The following PRKCA variants were observed in gnomAD, a reference collection of about 807,000 sequenced individuals.
The protein encoded by PRKCA is protein kinase C alpha.
In PRKCA, 27 loss-of-function variants were observed where a neutral mutation model predicts 87.0. The observed-to-expected ratio is 0.31, with a 90% CI of 0.23 to 0.43. PRKCA has a LOEUF of 0.43. Ranked by LOEUF, PRKCA falls within the 20% of genes least tolerant of loss-of-function variation. The probability of loss-of-function intolerance (pLI) is 1.00; values close to 1 mark genes in which losing one functional copy is unlikely to be tolerated. For missense variants in PRKCA, 518 were observed against 852.3 expected (o/e 0.61, Z 4.88); for synonymous variants, 329 against 311.1 (o/e 1.06, Z -0.61).
chr17:66,410,709 G>A (rs1911739501), intron 2 of PRKCA, among the ~76,000 whole-genome samples: 1 of 152,064 alleles, frequency 6.6e-6, no homozygotes, highest in South Asian at 2.1e-4. Context: ...CCGAGTAGCT[G>A]GGACTACAGG....
intron 3 of PRKCA, among the ~76,000 whole-genome samples, chr17:66,588,990 A>G (rs1490929182): frequency 6.6e-6 from 1 of 152,078 alleles, no homozygotes; most frequent in African/African-American, 2.4e-5. Flanking sequence ...TTTGTTCTTG[A>G]TGGTTCTCCA....
intron 13 of PRKCA, among the ~76,000 whole-genome samples, chr17:66,755,453 C>T (rs1974526329): frequency 6.6e-6 from 1 of 152,172 alleles, no homozygotes; most frequent in South Asian, 2.1e-4. Context: ...CTTCCTGGCC[C>T]AAAGCCCAGG....
chr17:66,628,591 C>A (rs1290658531), intron 3 of PRKCA, among the ~76,000 whole-genome samples: 1 of 152,028 alleles, frequency 6.6e-6, no homozygotes, highest in African/African-American at 2.4e-5. Flanking sequence ...TTTTTTACAG[C>A]AAGTATGGTT....
At chr17:66,756,661 T>G (rs1011832339) in intron 13 of PRKCA, among the ~76,000 whole-genome samples, 4 of 152,050 alleles carry the variant, frequency 2.6e-5, no homozygotes, top group Non-Finnish European at 5.9e-5. Flanking sequence ...TTTTGGTTTT[T>G]GGGTTTTTTT....
intron 8 of PRKCA, among the ~76,000 whole-genome samples, chr17:66,712,536 G>C (rs1462908268): frequency 6.6e-6 from 1 of 152,134 alleles, no homozygotes; most frequent in Admixed American, 6.5e-5. Context: ...AAAGAGTTAG[G>C]GTGAGGCTTT....
chr17:66,537,460 T>G (rs1326690059), intron 3 of PRKCA, among the ~76,000 whole-genome samples: 1 of 152,210 alleles, frequency 6.6e-6, no homozygotes, highest in Non-Finnish European at 1.5e-5. Flanking sequence ...ATTGAAACTG[T>G]AGTTGGGATT....
chr17:66,451,757 G>C (rs1914334801), intron 2 of PRKCA, among the ~76,000 whole-genome samples: 1 of 152,138 alleles, frequency 6.6e-6, no homozygotes, highest in African/African-American at 2.4e-5. Flanking sequence ...CTGCCTTCCT[G>C]TCCACAGCAC....
At chr17:66,674,346 C>A (rs953973696) in intron 5 of PRKCA, among the ~76,000 whole-genome samples, 2 of 152,152 alleles carry the variant, frequency 1.3e-5, no homozygotes, top group Non-Finnish European at 2.9e-5. Context: ...AAGCACAGAG[C>A]AAGGTGGGCA....
intron 3 of PRKCA, among the ~76,000 whole-genome samples, chr17:66,586,409 CTAA>C (rs1969599331): frequency 1.3e-5 from 2 of 152,182 alleles, no homozygotes; most frequent in Admixed American, 1.3e-4. Flanking sequence ...TGACTTTCTG[CTAA>C]TAATATCTTC....
chr17:66,794,123 A>G (rs1188345673), intron 16 of PRKCA, among the ~76,000 whole-genome samples: 1 of 152,250 alleles, frequency 6.6e-6, no homozygotes, highest in Non-Finnish European at 1.5e-5. Flanking sequence ...GGAGAAATTA[A>G]TCTATAATGT....
At chr17:66,787,320 A>G (rs906186049) in intron 15 of PRKCA, among the ~76,000 whole-genome samples, 33 of 152,064 alleles carry the variant, frequency 2.2e-4, no homozygotes, top group Admixed American at 2.0e-3. Flanking sequence ...TTCCTTATCC[A>G]TTCTACTGGG....
chr17:66,595,379 C>T (rs1484483487), intron 3 of PRKCA, among the ~76,000 whole-genome samples: 2 of 151,874 alleles, frequency 1.3e-5, no homozygotes, highest in Non-Finnish European at 2.9e-5. Context: ...GAATTTAGGG[C>T]CCATCCTAAA....
intron 3 of PRKCA, among the ~76,000 whole-genome samples, chr17:66,561,894 G>A (rs977901287): frequency 6.6e-6 from 1 of 151,774 alleles, no homozygotes; most frequent in African/African-American, 2.4e-5. Context: ...AGAGGCTACA[G>A]GGAAGGAGGA....
At chr17:66,682,444 TCTC>T (rs1354182344) in intron 5 of PRKCA, among the ~76,000 whole-genome samples, 1 of 152,264 alleles carries the variant, frequency 6.6e-6, no homozygotes, top group Non-Finnish European at 1.5e-5. Flanking sequence ...TCAGCAGATG[TCTC>T]CTCCTCATAA....
intron 14 of PRKCA, among the ~76,000 whole-genome samples, chr17:66,783,822 A>T (rs1278153329): frequency 6.6e-6 from 1 of 152,074 alleles, no homozygotes; most frequent in Non-Finnish European, 1.5e-5. Flanking sequence ...GCGTTCCTGC[A>T]GCTAAGATTC....
intron 13 of PRKCA, among the ~76,000 whole-genome samples, chr17:66,772,790 T>G (rs1438246136): frequency 6.6e-6 from 1 of 152,148 alleles, no homozygotes. Flanking sequence ...AAGTGTAGAA[T>G]GAGCTCCCTG....
intron 3 of PRKCA, among the ~76,000 whole-genome samples, chr17:66,631,825 C>G (rs573490445): frequency 1.3e-5 from 2 of 152,226 alleles, no homozygotes; most frequent in South Asian, 4.1e-4. Context: ...ATATATACAC[C>G]TATGTACTCA....
intron 3 of PRKCA, among the ~76,000 whole-genome samples, chr17:66,639,976 CAG>C (rs1164090245): frequency 6.6e-6 from 1 of 151,908 alleles, no homozygotes; most frequent in African/African-American, 2.4e-5. Flanking sequence ...GCTTGGGTGA[CAG>C]AGTGAGACTC....
At position 66,303,020 on chromosome 17, in the gene PRKCA, A is replaced by G. The variant is rs1231145168; in HGVS notation, c.169A>G (p.Ile57Val). Reference sequence around the variant, plus strand: ...CTTCTGCAGCCACTGCACCGACTTCATCTGGTAGGTGCCGGGCCGGGCACT... The same window carrying G: ...CTTCTGCAGCCACTGCACCGACTTCGTCTGGTAGGTGCCGGGCCGGGCACT... ...PTFCSHCTDF[I>V]WGFGKQGFQC... The change falls in exon 1 of 17, where the codon ATC becomes GTC. Residue 57 changes from isoleucine to valine, a missense_variant. Physicochemically the swap from Ile to Val is conservative, Grantham distance 29. This residue lies in a region of PRKCA where 25 missense variants were observed against 72.1 expected (regional missense o/e 0.35). Transcript: ENST00000413366. 2 of 1,608,576 alleles carry G rather than the reference A, an allele frequency of 1.2e-6. No individual in the cohort carries two copies. Among genetic ancestry groups the G allele is most frequent in the Non-Finnish European group, 1.7e-6 (2 of 1,177,554 alleles).
Sources: allele counts gnomAD v4.1 joint callset (sites outside exome capture counted in the v4.1 genomes callset), GRCh38; gene constraint gnomAD v4.1.1; regional missense constraint gnomAD v4.1.1; transcripts MANE v1.5; gene names NCBI Gene and HGNC (gene_info 2026-07-23, HGNC 2026-07-21).